Variants in SAMMSON observed in about 807,000 individuals in gnomAD.
The protein encoded by SAMMSON is survival associated mitochondrial melanoma specific oncogenic non-coding RNA.
chr3:70,397,289 A>C (rs931899574), intron 2 of SAMMSON, among the ~76,000 whole-genome samples: 12 of 152,204 alleles, frequency 7.9e-5, no homozygotes, highest in Admixed American at 3.9e-4. Flanking sequence ...AAGATTCTTC[A>C]TAGGTTCCTC....
At chr3:70,395,332 T>TCTC (rs1491472756) in intron 2 of SAMMSON, among the ~76,000 whole-genome samples, 1 of 34,996 alleles carries the variant, frequency 2.9e-5, no homozygotes, top group Non-Finnish European at 5.6e-5. Flanking sequence ...TCTCTCTCTC[T>TCTC]TTTTTTTTTT....
intron 6 of SAMMSON, chr3:70,291,162 G>T (rs1393004270): frequency 2.6e-5 from 4 of 152,222 alleles, no homozygotes; most frequent in African/African-American, 9.6e-5. Flanking sequence ...TCACATATTT[G>T]CATGTTTAAC....
chr3:70,206,517 G>A (rs1462391964), intron 4 of SAMMSON: 4 of 396,930 alleles, frequency 1.0e-5, no homozygotes, highest in African/African-American at 2.1e-5. Context: ...TTTTACAGGG[G>A]ATGGGGGTTG....
At chr3:70,146,815 A>G (rs2067550885) in intron 4 of SAMMSON, among the ~76,000 whole-genome samples, 1 of 151,998 alleles carries the variant, frequency 6.6e-6, no homozygotes, top group African/African-American at 2.4e-5. Flanking sequence ...AAACCAAGCT[A>G]GGAAAATCCA....
At chr3:70,284,026 G>A (rs994501974) in intron 6 of SAMMSON, among the ~76,000 whole-genome samples, 3 of 152,018 alleles carry the variant, frequency 2.0e-5, no homozygotes, top group African/African-American at 7.2e-5. Flanking sequence ...GGGTGGCAGA[G>A]GTATTGGCTA....
intron 4 of SAMMSON, among the ~76,000 whole-genome samples, chr3:70,110,649 C>G (rs2067384813): frequency 6.6e-6 from 1 of 152,124 alleles, no homozygotes; most frequent in Non-Finnish European, 1.5e-5. Context: ...AGCCACAACT[C>G]GAATTCTATC....
At chr3:70,180,574 A>G (rs950935890) in intron 4 of SAMMSON, among the ~76,000 whole-genome samples, 1 of 152,186 alleles carries the variant, frequency 6.6e-6, no homozygotes. Flanking sequence ...ATACACCGAC[A>G]TAAACCAGAA....
At chr3:70,035,969 A>C (rs940492165) in intron 3 of SAMMSON, among the ~76,000 whole-genome samples, 3 of 152,226 alleles carry the variant, frequency 2.0e-5, no homozygotes, top group African/African-American at 7.2e-5. Flanking sequence ...AAAACAATAT[A>C]TCAAAAATAG....
At chr3:70,052,996 A>G (rs898326236) in intron 3 of SAMMSON, among the ~76,000 whole-genome samples, 2 of 152,176 alleles carry the variant, frequency 1.3e-5, no homozygotes, top group Non-Finnish European at 1.5e-5. Flanking sequence ...AAAAAAGTCA[A>G]AAGACAAAAA....
intron 3 of SAMMSON, among the ~76,000 whole-genome samples, chr3:70,062,075 G>A (rs565716204): frequency 2.2e-4 from 34 of 152,196 alleles, no homozygotes; most frequent in Non-Finnish European, 4.3e-4. Context: ...AGCCAAGTGC[G>A]TTGGTTTTTT....
At chr3:70,078,271 C>T (rs1353918476) in intron 4 of SAMMSON, among the ~76,000 whole-genome samples, 1 of 152,110 alleles carries the variant, frequency 6.6e-6, no homozygotes, top group Admixed American at 6.5e-5. Context: ...GCTTTTCTTC[C>T]AGTGTCACCA....
intron 7 of SAMMSON, among the ~76,000 whole-genome samples, chr3:70,328,716 C>A (rs986429480): frequency 1.3e-5 from 2 of 151,910 alleles, no homozygotes; most frequent in Non-Finnish European, 2.9e-5. Flanking sequence ...TAATTGACAC[C>A]CAGAGAGTGA....
chr3:70,287,510 T>G (rs1333572328), intron 6 of SAMMSON, among the ~76,000 whole-genome samples: 2 of 151,976 alleles, frequency 1.3e-5, no homozygotes, highest in African/African-American at 4.8e-5. Context: ...GATATTGGTC[T>G]AAAATTCTCT....
chr3:70,136,683 T>C (rs1452329212), intron 4 of SAMMSON, among the ~76,000 whole-genome samples: 1 of 152,168 alleles, frequency 6.6e-6, no homozygotes, highest in Non-Finnish European at 1.5e-5. Context: ...AAACTGAAAG[T>C]AGAGACATGT....
intron 7 of SAMMSON, among the ~76,000 whole-genome samples, chr3:70,309,079 G>A (rs1257116168): frequency 6.6e-6 from 1 of 152,142 alleles, no homozygotes; most frequent in Non-Finnish European, 1.5e-5. Flanking sequence ...TTAAGGGGGA[G>A]TGAGGGAGGT....
At chr3:70,410,133 A>G (rs992152406) in intron 2 of SAMMSON, among the ~76,000 whole-genome samples, 2 of 152,108 alleles carry the variant, frequency 1.3e-5, no homozygotes, top group Admixed American at 1.3e-4. Context: ...ACTATTCTCC[A>G]TCTGGACTTT....
At chr3:70,060,733 G>C in intron 3 of SAMMSON, among the ~76,000 whole-genome samples, 1 of 152,062 alleles carries the variant, frequency 6.6e-6, no homozygotes, top group East Asian at 1.9e-4. Flanking sequence ...AGAATGATCT[G>C]GCCCAACATG....
At chr3:70,151,582 A>C (rs926608884) in intron 4 of SAMMSON, among the ~76,000 whole-genome samples, 2 of 152,014 alleles carry the variant, frequency 1.3e-5, no homozygotes, top group African/African-American at 4.8e-5. Context: ...TGCACTACCC[A>C]TCTTTATGGT....
intron 4 of SAMMSON, among the ~76,000 whole-genome samples, chr3:70,208,274 C>T (rs565240827): frequency 5.3e-5 from 8 of 152,140 alleles, no homozygotes; most frequent in Non-Finnish European, 1.2e-4. Context: ...CAATAATGCT[C>T]ATTGAGTTAC....
Sources: allele counts gnomAD v4.1 joint callset (sites outside exome capture counted in the v4.1 genomes callset), GRCh38; gene constraint gnomAD v4.1.1; transcripts MANE v1.5; gene names NCBI Gene and HGNC (gene_info 2026-07-23, HGNC 2026-07-21).